The following GALNT13 variants were observed in gnomAD, a reference collection of about 807,000 sequenced individuals.
The protein encoded by GALNT13 is UDP-GalNAc:polypeptide N-acetylgalactosaminyltransferase 13.
GALNT13 carries 28 observed loss-of-function variants against 64.2 expected under a neutral mutation model. The observed-to-expected ratio is 0.44, with a 90% CI of 0.32 to 0.60. The LOEUF (loss-of-function observed/expected upper bound fraction) is 0.60. Ranked by LOEUF, GALNT13 falls within the 20% of genes least tolerant of loss-of-function variation. The pLI is 0.05. For missense variants in GALNT13, 577 were observed against 669.8 expected, an observed-to-expected ratio of 0.86 and a Z score of 1.53; for synonymous variants, 214 against 224.6, an observed-to-expected ratio of 0.95 and a Z score of 0.42.
the GALNT13 span, among the ~76,000 whole-genome samples, chr2:153,616,443 T>A: frequency 6.6e-6 from 1 of 151,860 alleles, no homozygotes; most frequent in Admixed American, 6.6e-5. Flanking sequence ...ATTTTAGGAT[T>A]TTTTTTCTAT....
Position 154,157,144 on chromosome 2 carries a change from C to T in GALNT13, c.311+16639C>T, listed in dbSNP as rs541830586. Among the ~76,000 whole-genome samples, 8 of 152,218 alleles carry T rather than the reference C, an allele frequency of 5.3e-5. No individual in the cohort carries two copies. In the East Asian group the frequency reaches 1.6e-3, roughly 29 times the overall value. On this transcript the variant is annotated intron_variant, in intron 4 of 12. Transcript: ENST00000392825. The stretch of plus-strand genomic sequence containing the variant: ...AATACTTCCTCTCAACCCTCATTCT[C>T]ATTATCTTACCTTCTGTTTCACTGA...
intron 4 of GALNT13, among the ~76,000 whole-genome samples, chr2:154,154,202 T>C (rs1684259588): frequency 6.6e-6 from 1 of 152,200 alleles, no homozygotes. Flanking sequence ...AGCAATTAAA[T>C]CTGATAGTTT....
At chr2:153,363,802 C>A in the GALNT13 span, among the ~76,000 whole-genome samples, 1 of 152,116 alleles carries the variant, frequency 6.6e-6, no homozygotes, top group Non-Finnish European at 1.5e-5. Context: ...TGAATTCTAC[C>A]AGAGCTACAA....
At chr2:154,385,299 GT>G (rs994295050) in intron 9 of GALNT13, among the ~76,000 whole-genome samples, 3 of 151,922 alleles carry the variant, frequency 2.0e-5, no homozygotes, top group African/African-American at 7.2e-5. Flanking sequence ...ATGAATTCAA[GT>G]TTGGGATCTT....
chr2:153,228,955 T>C, the GALNT13 span, among the ~76,000 whole-genome samples: 1 of 151,694 alleles, frequency 6.6e-6, no homozygotes, highest in East Asian at 1.9e-4. Context: ...GACAGAAAAT[T>C]ACTTTGACCA....
At chr2:153,582,777 A>T in the GALNT13 span, among the ~76,000 whole-genome samples, 2 of 152,162 alleles carry the variant, frequency 1.3e-5, no homozygotes, top group Admixed American at 1.3e-4. Flanking sequence ...CTGAAAAATT[A>T]AGCATCCATT....
At chr2:153,210,761 C>G in the GALNT13 span, among the ~76,000 whole-genome samples, 1 of 152,168 alleles carries the variant, frequency 6.6e-6, no homozygotes, top group Non-Finnish European at 1.5e-5. Context: ...CAATTTTAGA[C>G]TGCATAATTG....
intron 2 of GALNT13, among the ~76,000 whole-genome samples, chr2:153,928,972 GT>G (rs1192671295): frequency 1.3e-5 from 2 of 152,096 alleles, no homozygotes; most frequent in African/African-American, 4.8e-5. Context: ...GCCAAGTATT[GT>G]TTGTCACTTC....
the GALNT13 span, among the ~76,000 whole-genome samples, chr2:153,230,151 GCTCAT>G: frequency 6.6e-6 from 1 of 152,184 alleles, no homozygotes; most frequent in African/African-American, 2.4e-5. Context: ...TGTCTGGCCT[GCTCAT>G]TTATTCCTCT....
the GALNT13 span, among the ~76,000 whole-genome samples, chr2:153,740,990 T>A: frequency 6.6e-6 from 1 of 152,168 alleles, no homozygotes; most frequent in South Asian, 2.1e-4. Context: ...CTAAAAGTTA[T>A]AAAAGAGGGA....
chr2:153,655,991 T>C, the GALNT13 span, among the ~76,000 whole-genome samples: 1 of 152,130 alleles, frequency 6.6e-6, no homozygotes, highest in Admixed American at 6.6e-5. Flanking sequence ...CCTACTAGTA[T>C]TTCACTTACT....
rs1168647912 is a variant in GALNT13 at position 154,418,314 on chromosome 2, C to G, written c.1395+9232C>G. Among the ~76,000 whole-genome samples the G allele has an allele frequency of 5.3e-5, 8 of 152,242 alleles. No homozygotes were observed. In the South Asian group the frequency reaches 8.3e-4, roughly 16 times the overall value. The stretch of plus-strand genomic sequence containing the variant: ...ATGAATATCAAAAGATACCCATGTT[C>G]TAACCCCTGGAGCCTGTGTTTTACC... On this transcript the variant is annotated intron_variant, in intron 11 of 12. Coordinates refer to ENST00000392825, the MANE Select transcript of GALNT13 (RefSeq NM_052917.4).
At chr2:153,987,063 C>T (rs1694846639) in intron 3 of GALNT13, among the ~76,000 whole-genome samples, 2 of 151,760 alleles carry the variant, frequency 1.3e-5, no homozygotes, top group South Asian at 4.1e-4. Flanking sequence ...GTGGTTTGAA[C>T]TTAGGAGCAA....
intron 9 of GALNT13, among the ~76,000 whole-genome samples, chr2:154,306,657 G>A (rs1294020732): frequency 2.0e-5 from 3 of 148,646 alleles, no homozygotes; most frequent in African/African-American, 7.4e-5. Flanking sequence ...TGATTAGTCA[G>A]AGATGAAATC....
the GALNT13 span, chr2:153,187,712 T>C: frequency 6.6e-6 from 1 of 152,182 alleles, no homozygotes; most frequent in Non-Finnish European, 1.5e-5. Flanking sequence ...ATGCAATCAC[T>C]AACTGAAAAA....
chr2:154,173,319 AC>A lies in GALNT13; in HGVS notation c.311+32815del, dbSNP rs1269857133. On this transcript the variant is annotated intron_variant, in intron 4 of 12. Coordinates refer to ENST00000392825, the MANE Select transcript of GALNT13 (RefSeq NM_052917.4). ...CCAATTTCTCACTATACACAAAAAAACAAATCATTTAATTTGATTTTTTAAT... is the reference window on the plus strand; with the variant it reads ...CCAATTTCTCACTATACACAAAAAAAAAATCATTTAATTTGATTTTTTAAT... Among the ~76,000 whole-genome samples the A allele has an allele frequency of 3.3e-5, 5 of 151,868 alleles. No homozygotes were observed. In the East Asian group the frequency reaches 5.8e-4, roughly 18 times the overall value.
chr2:153,355,497 T>G, the GALNT13 span, among the ~76,000 whole-genome samples: 2 of 152,210 alleles, frequency 1.3e-5, no homozygotes, highest in African/African-American at 4.8e-5. Context: ...TTTCTGTTTG[T>G]GAACCCAGCC....
chr2:153,693,546 TC>T, the GALNT13 span, among the ~76,000 whole-genome samples: 1 of 152,032 alleles, frequency 6.6e-6, no homozygotes, highest in African/African-American at 2.4e-5. Flanking sequence ...AGAATGTGAC[TC>T]GGGGGAAAAA....
chr2:153,093,241 C>A, the GALNT13 span, among the ~76,000 whole-genome samples: 1 of 139,408 alleles, frequency 7.2e-6, no homozygotes, highest in Non-Finnish European at 1.5e-5. Context: ...CTTTTCTTTT[C>A]TTTTTTTTTT....
Sources: allele counts gnomAD v4.1 joint callset (sites outside exome capture counted in the v4.1 genomes callset), GRCh38; gene constraint gnomAD v4.1.1; transcripts MANE v1.5; gene names NCBI Gene and HGNC (gene_info 2026-07-23, HGNC 2026-07-21).